PRKCZ: variants seen among roughly 807,000 people sequenced by gnomAD.
The protein encoded by PRKCZ is protein kinase C zeta.
PRKCZ carries 33 observed loss-of-function variants against 79.5 expected under a neutral mutation model. The observed-to-expected ratio is 0.41, with a 90% CI of 0.31 to 0.55. The LOEUF is 0.55. Ranked by LOEUF, PRKCZ falls within the 20% of genes least tolerant of loss-of-function variation. The pLI is 0.19. For synonymous variants in PRKCZ, 342 were observed against 320.9 expected, an observed-to-expected ratio of 1.07 and a Z score of -0.70; for missense variants, 578 against 813.5, an observed-to-expected ratio of 0.71 and a Z score of 3.52.
rs760632046 is a variant in PRKCZ, at chr1:2,144,277, A to C, written c.488A>C (p.Asn163Thr). 2 of 1,564,134 alleles carry C rather than the reference A, an allele frequency of 1.3e-6. No homozygotes were observed. Among genetic ancestry groups the C allele is most frequent in the Non-Finnish European group, 1.7e-6 (2 of 1,153,302 alleles). ...GLARQGYRCI[N>T]CKLLVHKRCH... ...GCGAGGCAAGGCTACAGGTGCATCA[A>C]CTGCAAACTGCTGGTCCATAAGCGC... Residue 163 changes from asparagine (N) to threonine (T), a missense_variant, in exon 6 of 18, where the codon AAC becomes ACC. Asn to Thr is a moderately conservative substitution (Grantham distance 65). Around this residue, in one of 4 missense-constraint regions of PRKCZ, gnomAD observed 16 missense variants for 37.4 expected, o/e 0.43. Coordinates refer to ENST00000378567, the MANE Select transcript of PRKCZ (RefSeq NM_002744.6).
At chr1:2,068,156 GGCA>G (rs1244247598) in intron 4 of PRKCZ, among the ~76,000 whole-genome samples, 14 of 152,238 alleles carry the variant, frequency 9.2e-5, no homozygotes, top group African/African-American at 3.4e-4. Flanking sequence ...GCTCCTCCGG[GGCA>G]GACCCCAGCT....
intron 1 of PRKCZ, among the ~76,000 whole-genome samples, chr1:2,054,221 C>T (rs1188517462): frequency 1.3e-5 from 2 of 152,356 alleles, no homozygotes; most frequent in South Asian, 2.1e-4. Context: ...GGACATCTCA[C>T]ACCCCTTCAG....
intron 4 of PRKCZ, among the ~76,000 whole-genome samples, chr1:2,132,018 A>C (rs1675070512): frequency 6.6e-6 from 1 of 152,108 alleles, no homozygotes; most frequent in South Asian, 2.1e-4. Flanking sequence ...TCACCGTGTT[A>C]GCCAGGATGG....
chr1:2,053,017 C>T (rs903511995), intron 1 of PRKCZ, among the ~76,000 whole-genome samples: 1 of 152,168 alleles, frequency 6.6e-6, no homozygotes, highest in African/African-American at 2.4e-5. Context: ...TTCAGGGAGT[C>T]CCAGGTGGCC....
At chr1:2,090,894 G>A (rs980559781) in intron 4 of PRKCZ, among the ~76,000 whole-genome samples, 2 of 152,214 alleles carry the variant, frequency 1.3e-5, no homozygotes, top group African/African-American at 4.8e-5. Flanking sequence ...GGAATTTGTA[G>A]GACCTCAGTT....
At chr1:2,150,673 T>C in intron 8 of PRKCZ, 117 bp from the exon 9 acceptor site, 1 of 1,049,904 alleles carries the variant, frequency 9.5e-7, no homozygotes, top group Non-Finnish European at 1.4e-6. Context: ...ACTCGAATCA[T>C]GAGGCCCTGG....
At chr1:2,145,961 A>G in intron 6 of PRKCZ, 66 bp from the exon 7 acceptor site, 1 of 1,387,890 alleles carries the variant, frequency 7.2e-7, no homozygotes, top group Non-Finnish European at 1.0e-6. Context: ...AAGTGTTTAC[A>G]GAAGCTACAT....
chr1:2,096,965 C>T (rs555803354), intron 4 of PRKCZ, among the ~76,000 whole-genome samples: 23 of 152,240 alleles, frequency 1.5e-4, no homozygotes, highest in Admixed American at 3.3e-4. Context: ...GGCCTGGACA[C>T]GGCCCTGTGG....
chr1:2,141,196 G>A (rs567450256), intron 5 of PRKCZ: 6 of 152,220 alleles, frequency 3.9e-5, no homozygotes, highest in African/African-American at 1.4e-4. Context: ...AAGCACACAC[G>A]TGAGGTCTCT....
At chr1:2,156,168 T>G in intron 10 of PRKCZ, 76 bp downstream of exon 10, 2 of 1,354,914 alleles carry the variant, frequency 1.5e-6, no homozygotes, top group Non-Finnish European at 1.0e-6. Context: ...TCTGGTGTGA[T>G]GTGTCAACTG....
intron 4 of PRKCZ, among the ~76,000 whole-genome samples, chr1:2,093,760 C>G (rs1665926002): frequency 6.6e-6 from 1 of 152,168 alleles, no homozygotes; most frequent in African/African-American, 2.4e-5. Flanking sequence ...CAGGGCCTCA[C>G]AGAGGACGTG....
In PRKCZ at chr1:2,185,205, A is replaced by C. The variant is rs1410889504; in HGVS notation, c.*196A>C. ...CCTCACACCTGGGCCCGGGCAGGCC[A>C]GCTTCGTGCTGGAGGAACTTGCTGC... On this transcript the variant is annotated 3_prime_UTR_variant, in exon 18 of 18. Coordinates refer to ENST00000378567, the MANE Select transcript of PRKCZ (RefSeq NM_002744.6). 1 of 706,978 alleles carries C rather than the reference A, an allele frequency of 1.4e-6. No individual in the cohort carries two copies. Among genetic ancestry groups the C allele is most frequent in the East Asian group, 2.7e-5 (1 of 37,134 alleles). The allele number at this position is 706,978 out of a possible 1,614,324, so 43.8% of individuals were successfully genotyped here. A position where few individuals can be genotyped will look rare whatever the true frequency, so the allele number is the denominator to read the frequency against.
chr1:2,118,713 CTGTGTGTG>C (rs770283606), intron 4 of PRKCZ, among the ~76,000 whole-genome samples: 21 of 120,726 alleles, frequency 1.7e-4, no homozygotes, highest in African/African-American at 3.9e-4. Flanking sequence ...CACACCAGCT[CTGTGTGTG>C]TGTGTGTGTG....
chr1:2,132,108 G>GT (rs1358687717), intron 4 of PRKCZ, among the ~76,000 whole-genome samples: 1 of 152,204 alleles, frequency 6.6e-6, no homozygotes, highest in Non-Finnish European at 1.5e-5. Flanking sequence ...ACCGTGCCTA[G>GT]TATTGGGTTT....
At chr1:2,124,516 C>T (rs956627189) in intron 4 of PRKCZ, among the ~76,000 whole-genome samples, 4 of 152,044 alleles carry the variant, frequency 2.6e-5, no homozygotes, top group Non-Finnish European at 5.9e-5. Context: ...CTCTGCTCCA[C>T]ATGAGAACAT....
At chr1:2,137,224 G>A (rs1676393077) in intron 5 of PRKCZ, among the ~76,000 whole-genome samples, 2 of 152,214 alleles carry the variant, frequency 1.3e-5, no homozygotes, top group Admixed American at 6.5e-5. Flanking sequence ...CAGCATGGGA[G>A]AAAGATGAAA....
chr1:2,050,746 G>C, intron 1 of PRKCZ, 45 bp downstream of exon 1: 1 of 1,047,254 alleles, frequency 9.5e-7, no homozygotes, highest in Non-Finnish European at 1.2e-6. Context: ...GAGGCAGGGA[G>C]GGCGGGGAGG....
chr1:2,174,066 C>T lies in PRKCZ; in HGVS notation c.1405+50C>T, dbSNP rs777732689. On this transcript the variant is annotated intron_variant, in intron 14 of 17. Coordinates refer to ENST00000378567, the MANE Select transcript of PRKCZ (RefSeq NM_002744.6). The surrounding 1 kb of genome is among the most constrained non-coding windows in gnomAD (Gnocchi z 6.2). ...ACCCCTCACCTGCACGACTGTCTTC[C>T]TTCCTTTTCAAAGGTGCAGGTGGAG... The T allele has an allele frequency of 3.0e-5, 46 of 1,528,260 alleles. No homozygotes were observed. The highest frequency in any genetic ancestry group is 3.8e-5 in the Non-Finnish European group (43 of 1,131,160). The allele number at this position is 1,528,260 out of a possible 1,614,324, so 94.7% of individuals were successfully genotyped here.
rs1006185004 is a variant in PRKCZ at position 2,127,168 on chromosome 1, C to T, written c.335-8094C>T. Among the ~76,000 whole-genome samples the T allele has an allele frequency of 6.6e-6, 1 of 152,236 alleles. No individual in the cohort carries two copies. Among genetic ancestry groups the T allele is most frequent in the Admixed American group, 6.5e-5 (1 of 15,290 alleles). The stretch of plus-strand genomic sequence containing the variant: ...TGTGGCTGCCAGTCCCCAAAACAGA[C>T]CCTGCGCCCCGGGCAACCATCTGCT... On this transcript the variant is annotated intron_variant, in intron 4 of 17. Transcript: ENST00000378567. The surrounding 1 kb of genome is among the most constrained non-coding windows in gnomAD (Gnocchi z 5.1).
Sources: allele counts gnomAD v4.1 joint callset (sites outside exome capture counted in the v4.1 genomes callset), GRCh38; gene constraint gnomAD v4.1.1; regional missense constraint gnomAD v4.1.1; non-coding constraint Gnocchi (gnomAD v3.1); transcripts MANE v1.5; gene names NCBI Gene and HGNC (gene_info 2026-07-23, HGNC 2026-07-21).